CEP104: variants seen among roughly 807,000 people sequenced by gnomAD.
The protein encoded by CEP104 is centrosomal protein 104.
A neutral mutation model predicts 113.3 loss-of-function variants in CEP104; 84 were observed. That is an observed-to-expected ratio of 0.74 (90% CI 0.62 to 0.89). CEP104 has a LOEUF of 0.89. Ranked by LOEUF, CEP104 falls within the 40% of genes least tolerant of loss-of-function variation. The pLI is 0.00. For missense variants in CEP104, 1,053 were observed against 1,156.6 expected (o/e 0.91, Z 1.30); for synonymous variants, 378 against 421.7 (o/e 0.90, Z 1.27).
rs1466473058 is a variant in CEP104, at chr1:3,821,240, C to T, written c.2571+1934G>A. Among the ~76,000 whole-genome samples the T allele has an allele frequency of 2.0e-5, 3 of 152,320 alleles. No homozygotes were observed. In the South Asian group the frequency reaches 6.2e-4, roughly 32 times the overall value. On this transcript the variant is annotated intron_variant, in intron 20 of 21. Coordinates refer to ENST00000378230, the MANE Select transcript of CEP104 (RefSeq NM_014704.4). ...TGGCTCTCATCCAGGCCTCAGGAGC[C>T]CAGCTGAAGAGTCTGCCATAGGCTA...
At chr1:3,821,064 C>T (rs975534394) in intron 20 of CEP104, among the ~76,000 whole-genome samples, 11 of 152,240 alleles carry the variant, frequency 7.2e-5, no homozygotes, top group South Asian at 2.1e-4. Context: ...CCAGCCACAG[C>T]GAACTACCCA....
intron 6 of CEP104, among the ~76,000 whole-genome samples, chr1:3,840,033 C>T (rs148012155): frequency 1.3e-5 from 2 of 152,276 alleles, no homozygotes; most frequent in African/African-American, 2.4e-5. Flanking sequence ...TCTGAGCCTC[C>T]AGTGCATTCG....
intron 20 of CEP104, among the ~76,000 whole-genome samples, chr1:3,818,809 CTT>C (rs1255716379): frequency 3.3e-5 from 5 of 152,220 alleles, no homozygotes; most frequent in African/African-American, 7.2e-5. Context: ...CTCCAGAACT[CTT>C]TTCATTTTAC....
At position 3,841,109 on chromosome 1, in the gene CEP104, T is replaced by A. The variant is rs371055098; in HGVS notation, c.567-1333A>T. On this transcript the variant is annotated intron_variant, in intron 6 of 21. Coordinates refer to ENST00000378230, the MANE Select transcript of CEP104 (RefSeq NM_014704.4). ...AGCAACGAGAGGATGAGGATGGAAG[T>A]GTCCCAGCTGCTGTATCAACCCCAT... Among the ~76,000 whole-genome samples, 11 of 152,326 alleles carry A rather than the reference T, an allele frequency of 7.2e-5. No homozygotes were observed. The East Asian group carries it at 2.1e-3, about 29-fold the overall frequency.
chr1:3,826,806 G>A, intron 15 of CEP104, 62 bp from the exon 16 acceptor site: 2 of 1,486,874 alleles, frequency 1.3e-6, no homozygotes, highest in South Asian at 1.1e-5. Context: ...GTGAGAGCCT[G>A]TTGAAGATAT....
intron 5 of CEP104, 48 bp downstream of exon 5, chr1:3,845,241 A>G (rs1335763066): frequency 3.1e-6 from 4 of 1,291,820 alleles, no homozygotes; most frequent in Non-Finnish European, 4.4e-6. Flanking sequence ...ACTCCCTCCC[A>G]TTATAAATAG....
chr1:3,812,147 GACA>G lies in CEP104; in HGVS notation c.*3252_*3254del, dbSNP rs1439823203. 3 of 151,866 alleles carry G rather than the reference GACA, an allele frequency of 2.0e-5. No homozygotes were observed. The highest frequency in any genetic ancestry group is 7.3e-5 in the African/African-American group (3 of 41,352). 9.4% of individuals were successfully genotyped at this position (151,866 alleles called of 1,614,324 possible). On this transcript the variant is annotated 3_prime_UTR_variant, in exon 22 of 22. Transcript: ENST00000378230. Reference sequence around the variant, plus strand: ...TGAATTAACCCTTAAGCCCTAAAACGACAACAAAAATATATTACTTAGATATTT... The same window carrying G: ...TGAATTAACCCTTAAGCCCTAAAACGACAAAAATATATTACTTAGATATTT...
chr1:3,849,225 T>C (rs1207606397), intron 2 of CEP104, among the ~76,000 whole-genome samples: 1 of 151,498 alleles, frequency 6.6e-6, no homozygotes, highest in Non-Finnish European at 1.5e-5. Flanking sequence ...AAGCCTATGC[T>C]ATGGGCCATG....
intron 4 of CEP104, 100 bp from the exon 5 acceptor site, chr1:3,845,451 G>T (rs1644489655): frequency 1.1e-6 from 1 of 918,516 alleles, no homozygotes; most frequent in Non-Finnish European, 1.7e-6. Flanking sequence ...CTGTCACCCA[G>T]GCTGGAGTGC....
chr1:3,843,189 T>C (rs1214215637), intron 6 of CEP104: 4 of 711,028 alleles, frequency 5.6e-6, no homozygotes, highest in Non-Finnish European at 2.6e-6. Flanking sequence ...AGTCCCCTCA[T>C]TGTCATCCAC....
In CEP104 at chr1:3,813,657, T is replaced by A. The variant is rs1303405520; in HGVS notation, c.*1745A>T. 1 of 149,146 alleles carries A rather than the reference T, an allele frequency of 6.7e-6. No homozygotes were observed. Among genetic ancestry groups the A allele is most frequent in the Non-Finnish European group, 1.5e-5 (1 of 67,360 alleles). The allele number at this position is 149,146 out of a possible 1,614,324, so 9.2% of individuals were successfully genotyped here. A position where few individuals can be genotyped will look rare whatever the true frequency, so the allele number is the denominator to read the frequency against. ...TGAGGTCACGAGTTCGAGACCAGCC[T>A]GGCCAACATGGTGAAACCCCATCTC... On this transcript the variant is annotated 3_prime_UTR_variant, in exon 22 of 22. Coordinates refer to ENST00000378230, the MANE Select transcript of CEP104 (RefSeq NM_014704.4).
intron 1 of CEP104, among the ~76,000 whole-genome samples, chr1:3,855,693 C>T (rs1340380537): frequency 3.3e-5 from 5 of 152,170 alleles, no homozygotes; most frequent in Non-Finnish European, 7.3e-5. Flanking sequence ...TAGTCTACCC[C>T]CTCCCAAAGA....
At chr1:3,835,961 G>A (rs1458678393) in intron 10 of CEP104, among the ~76,000 whole-genome samples, 4 of 147,600 alleles carry the variant, frequency 2.7e-5, no homozygotes, top group Non-Finnish European at 4.5e-5. Flanking sequence ...TTATGATCAC[G>A]CCACTGTACT....
chr1:3,842,944 C>T (rs764979933), intron 6 of CEP104, among the ~76,000 whole-genome samples: 19 of 152,220 alleles, frequency 1.2e-4, no homozygotes, highest in East Asian at 3.9e-4. Context: ...TGCGCCACCA[C>T]GCCTGGCTAA....
In CEP104 at chr1:3,848,753, G is replaced by A; in HGVS notation, c.142C>T (p.Leu48Phe). 1 of 1,609,572 alleles carries A rather than the reference G, an allele frequency of 6.2e-7. No individual in the cohort carries two copies. The highest frequency in any genetic ancestry group is 1.3e-5 in the African/African-American group (1 of 74,676). ...RFCQFPQEIV[L>F]QMVERCRIRK... ...ATTCGACATCTCTCCACCATTTGAA[G>A]GACAATTTCTTGTGGAAACTGGCAA... The change falls in exon 3 of 22, where the codon CTT becomes TTT. Residue 48 changes from leucine (L) to phenylalanine (F), a missense_variant. Coordinates refer to ENST00000378230, the MANE Select transcript of CEP104 (RefSeq NM_014704.4).
intron 12 of CEP104, among the ~76,000 whole-genome samples, chr1:3,832,784 A>G (rs953798087): frequency 1.1e-4 from 16 of 152,018 alleles, no homozygotes; most frequent in Admixed American, 2.0e-4. Flanking sequence ...ACCTGGGCTC[A>G]AGCCTCTCGC....
chr1:3,815,838 C>G (rs902858424), intron 21 of CEP104, among the ~76,000 whole-genome samples: 1 of 152,108 alleles, frequency 6.6e-6, no homozygotes, highest in Non-Finnish European at 1.5e-5. Context: ...TAGGTGCCGG[C>G]CACTGTGCCC....
intron 2 of CEP104, among the ~76,000 whole-genome samples, chr1:3,850,585 C>T (rs757790361): frequency 8.5e-5 from 13 of 152,120 alleles, no homozygotes; most frequent in Admixed American, 2.0e-4. Context: ...CCCTGAGCTC[C>T]GACGTAGAGG....
At chr1:3,816,242 G>T in intron 21 of CEP104, 38 bp downstream of exon 21, 9 of 1,503,664 alleles carry the variant, frequency 6.0e-6, no homozygotes, top group Non-Finnish European at 6.3e-6. Flanking sequence ...AAAATGGAGG[G>T]ATGCAGACTA....
Sources: gnomAD v4.1 joint callset for allele counts (sites outside exome capture counted in the v4.1 genomes callset) on GRCh38, gnomAD v4.1.1 for gene constraint, MANE v1.5 for transcripts, NCBI Gene and HGNC (gene_info 2026-07-23, HGNC 2026-07-21) for gene names.